NET1: variants seen among roughly 807,000 people sequenced by gnomAD.
NET1 encodes the protein neuroepithelial cell-transforming gene 1 protein.
Under a neutral mutation model 61.1 loss-of-function variants are expected in NET1, and 42 were observed. The ratio of observed to expected loss-of-function variants is 0.69; its 90% CI spans 0.54 to 0.89. The LOEUF is 0.89. Among genes scored for constraint, NET1 ranks in the 40% least tolerant of loss-of-function variants. The pLI, the probability that NET1 is intolerant of heterozygous loss-of-function variation, is 0.00. For synonymous variants in NET1, 254 were observed against 281.8 expected (o/e 0.90, Z 0.99); for missense variants, 654 against 747.3 (o/e 0.88, Z 1.46).
intron 3 of NET1, among the ~76,000 whole-genome samples, chr10:5,434,950 TAC>T (rs919204504): frequency 6.6e-6 from 1 of 152,220 alleles, no homozygotes; most frequent in African/African-American, 2.4e-5. Context: ...GTGAGTTTTC[TAC>T]AGAGTTAACT....
At position 5,421,551 on chromosome 10, in the gene NET1, T is replaced by G. The variant is rs186297538; in HGVS notation, c.129-5104T>G. Reference sequence around the variant, plus strand: ...TCTTGACAACCCAGGATCTTTATTATTAGTAGTAGTAGTTGCCAAAAATAA... The same window carrying G: ...TCTTGACAACCCAGGATCTTTATTAGTAGTAGTAGTAGTTGCCAAAAATAA... On this transcript the variant is annotated intron_variant, in intron 1 of 11. Coordinates refer to ENST00000355029, the MANE Select transcript of NET1 (RefSeq NM_001047160.3). This position sits in a 1 kb window ranked among gnomAD's most constrained non-coding sequence, Gnocchi z 4.2. Among the ~76,000 whole-genome samples, 292 of 152,302 alleles carry G rather than the reference T, an allele frequency of 1.9e-3. No individual in the cohort carries two copies. The highest frequency in any genetic ancestry group is 6.6e-3 in the African/African-American group (274 of 41,566).
In NET1 at chr10:5,439,716, T is replaced by C. The variant is rs1832494787; in HGVS notation, c.255+10487T>C. On this transcript the variant is annotated intron_variant, in intron 3 of 11. Transcript: ENST00000355029. The surrounding 1 kb of genome is among the most constrained non-coding windows in gnomAD (Gnocchi z 4.8). Reference sequence around the variant, plus strand: ...GAGCTTTGCTCTGGAACCCTAAGGCTCTGCATTGCAGTTCTCTTCCTGGCC... The same window carrying C: ...GAGCTTTGCTCTGGAACCCTAAGGCCCTGCATTGCAGTTCTCTTCCTGGCC... Among the ~76,000 whole-genome samples, 1 of 151,994 alleles carries C rather than the reference T, an allele frequency of 6.6e-6. No homozygotes were observed. The highest frequency in any genetic ancestry group is 1.5e-5 in the Non-Finnish European group (1 of 67,898).
In NET1 at chr10:5,453,996, C is replaced by T. The variant is rs1832753749; in HGVS notation, c.769-269C>T. ...GGCAAATGGAGGACACTCAAGTGTC[C>T]TGGGAGCACAGACTGCCAGTGTCTG... On this transcript the variant is annotated intron_variant, in intron 8 of 11. Coordinates refer to ENST00000355029, the MANE Select transcript of NET1 (RefSeq NM_001047160.3). The surrounding 1 kb of genome is among the most constrained non-coding windows in gnomAD (Gnocchi z 4.9). Among the ~76,000 whole-genome samples, 1 of 152,144 alleles carries T rather than the reference C, an allele frequency of 6.6e-6. No individual in the cohort carries two copies. The highest frequency in any genetic ancestry group is 1.5e-5 in the Non-Finnish European group (1 of 68,022).
In NET1 at chr10:5,455,200, G is replaced by A. The variant is rs1229005674; in HGVS notation, c.1197+82G>A. The A allele has an allele frequency of 1.5e-6, 2 of 1,373,722 alleles. No homozygotes were observed. The highest frequency in any genetic ancestry group is 2.0e-6 in the Non-Finnish European group (2 of 978,350). The allele number at this position is 1,373,722 out of a possible 1,614,324, so 85.1% of individuals were successfully genotyped here. On this transcript the variant is annotated intron_variant, in intron 10 of 11. Coordinates refer to ENST00000355029, the MANE Select transcript of NET1 (RefSeq NM_001047160.3). The surrounding 1 kb of genome is among the most constrained non-coding windows in gnomAD (Gnocchi z 6.5). ...TACACGTTTGTTATGAAGCAGGCTT[G>A]TAAAGGGAAAGTCATGACATAGTAA...
rs1032334156 is a variant in NET1, at chr10:5,426,462, GACCAAA to G, written c.129-189_129-184del. ...TTTTCACTCTAAAGATGCTGAGAAT[GACCAAA>G]ACCTATACCCTGTTTGTTTGTTTTT... On this transcript the variant is annotated intron_variant, in intron 1 of 11. Transcript: ENST00000355029. This position sits in a 1 kb window ranked among gnomAD's most constrained non-coding sequence, Gnocchi z 4.6. Among the ~76,000 whole-genome samples, 4 of 152,066 alleles carry G rather than the reference GACCAAA, an allele frequency of 2.6e-5. No individual in the cohort carries two copies. Among genetic ancestry groups the G allele is most frequent in the Non-Finnish European group, 5.9e-5 (4 of 68,002 alleles).
At position 5,451,398 on chromosome 10, in the gene NET1, CAA is replaced by C. The variant is rs1832699559; in HGVS notation, c.256-430_256-429del. On this transcript the variant is annotated intron_variant, in intron 3 of 11. Transcript: ENST00000355029. The surrounding 1 kb of genome is among the most constrained non-coding windows in gnomAD (Gnocchi z 6.1). ...CATTTAAGTAGGGACAAAAATGAAA[CAA>C]ATTGTTATACCAGACACTGTGGAGG... Among the ~76,000 whole-genome samples the C allele has an allele frequency of 6.6e-6, 1 of 151,864 alleles. No individual in the cohort carries two copies. The highest frequency in any genetic ancestry group is 2.1e-4 in the South Asian group (1 of 4,816).
intron 3 of NET1, among the ~76,000 whole-genome samples, chr10:5,445,887 T>C (rs1009080420): frequency 2.6e-5 from 4 of 152,210 alleles, no homozygotes; most frequent in African/African-American, 9.6e-5. Flanking sequence ...CACTTATATA[T>C]AATATATACA....
At position 5,426,804 on chromosome 10, in the gene NET1, T is replaced by C; in HGVS notation, c.195+83T>C. ...TCTTTCAGTCTGTTACACAGATCAG[T>C]GGTCCTTACTTCTGAGGGTCTTGAG... On this transcript the variant is annotated intron_variant, in intron 2 of 11. Transcript: ENST00000355029. This position sits in a 1 kb window ranked among gnomAD's most constrained non-coding sequence, Gnocchi z 4.6. 1 of 899,022 alleles carries C rather than the reference T, an allele frequency of 1.1e-6. No individual in the cohort carries two copies. Among genetic ancestry groups the C allele is most frequent in the Non-Finnish European group, 1.6e-6 (1 of 608,038 alleles). The allele number at this position is 899,022 out of a possible 1,614,324, so 55.7% of individuals were successfully genotyped here.
chr10:5,438,057 G>A lies in NET1; in HGVS notation c.255+8828G>A, dbSNP rs369522619. ...TTAGAAAATACCTTCAAATGGAAAT[G>A]AAAACACAACATGCTAAAACTTATG... On this transcript the variant is annotated intron_variant, in intron 3 of 11. Coordinates refer to ENST00000355029, the MANE Select transcript of NET1 (RefSeq NM_001047160.3). Among the ~76,000 whole-genome samples the A allele has an allele frequency of 1.4e-4, 22 of 152,272 alleles. 1 individual carries two copies. Among genetic ancestry groups the A allele is most frequent in the African/African-American group, 5.1e-4 (21 of 41,574 alleles).
In NET1 at chr10:5,452,637, C is replaced by A. The variant is rs1458486931; in HGVS notation, c.531+112C>A. 3.4e-6 allele frequency: 4 copies of A among 1,174,506 alleles called. No homozygotes were observed. The highest frequency in any genetic ancestry group is 4.8e-6 in the Non-Finnish European group (4 of 833,928). 72.8% of individuals were successfully genotyped at this position (1,174,506 alleles called of 1,614,324 possible). ...GCAACAATTCCTAATACATGGTGAA[C>A]AAAACCTAATGATGGATGGTGGTCA... On this transcript the variant is annotated intron_variant, in intron 5 of 11. Coordinates refer to ENST00000355029, the MANE Select transcript of NET1 (RefSeq NM_001047160.3). The surrounding 1 kb of genome is among the most constrained non-coding windows in gnomAD (Gnocchi z 4.0).
rs971169779 is a variant in NET1 at position 5,447,267 on chromosome 10, A to G, written c.256-4563A>G. 3.3e-5 allele frequency among the ~76,000 whole-genome samples: 5 copies of G among 152,208 alleles called. No individual in the cohort carries two copies. Among genetic ancestry groups the G allele is most frequent in the African/African-American group, 9.6e-5 (4 of 41,462 alleles). ...AGTGAACAAATTGCAACTAAAGTTT[A>G]GTCTGACCTGGTGTGCATTTTTCTT... On this transcript the variant is annotated intron_variant, in intron 3 of 11. Transcript: ENST00000355029. The surrounding 1 kb of genome is among the most constrained non-coding windows in gnomAD (Gnocchi z 4.1).
rs905829320 is a variant in NET1 at position 5,449,630 on chromosome 10, G to T, written c.256-2200G>T. ...ATTCACTTATCTAAATCTAAATTCT[G>T]TAGTTTTAAAATATCACATAATTTT... On this transcript the variant is annotated intron_variant, in intron 3 of 11. Transcript: ENST00000355029. This position sits in a 1 kb window ranked among gnomAD's most constrained non-coding sequence, Gnocchi z 4.4. Among the ~76,000 whole-genome samples the T allele has an allele frequency of 6.6e-6, 1 of 152,162 alleles. No individual in the cohort carries two copies. Among genetic ancestry groups the T allele is most frequent in the Admixed American group, 6.5e-5 (1 of 15,278 alleles).
rs4881453 is a variant in NET1 at position 5,447,826 on chromosome 10, T to C, written c.256-4004T>C. ...TGTCGGTTTTCTCAAAATGTGTAAG[T>C]ATTTCCTTTGAGTAGAGCAGTCATC... On this transcript the variant is annotated intron_variant, in intron 3 of 11. Coordinates refer to ENST00000355029, the MANE Select transcript of NET1 (RefSeq NM_001047160.3). The surrounding 1 kb of genome is among the most constrained non-coding windows in gnomAD (Gnocchi z 4.1). Among the ~76,000 whole-genome samples the C allele has an allele frequency of 0.71, 107,126 of 151,592 alleles. 38,081 individuals carry two copies. Among genetic ancestry groups the C allele is most frequent in the East Asian group, 0.82 (4,226 of 5,136 alleles).
chr10:5,421,386 C>A lies in NET1; in HGVS notation c.129-5269C>A, dbSNP rs548241715. On this transcript the variant is annotated intron_variant, in intron 1 of 11. Coordinates refer to ENST00000355029, the MANE Select transcript of NET1 (RefSeq NM_001047160.3). The surrounding 1 kb of genome is among the most constrained non-coding windows in gnomAD (Gnocchi z 4.2). The stretch of plus-strand genomic sequence containing the variant: ...TTTTGCAGATTTGAAATAATGCTGT[C>A]CATTGGTAGAAAAATAATAGTATGA... 1.3e-5 allele frequency among the ~76,000 whole-genome samples: 2 copies of A among 152,234 alleles called. No individual in the cohort carries two copies. Among genetic ancestry groups the A allele is most frequent in the East Asian group, 3.9e-4 (2 of 5,176 alleles).
In NET1 at chr10:5,452,670, C is replaced by A; in HGVS notation, c.531+145C>A. The A allele has an allele frequency of 2.1e-6, 2 of 944,556 alleles. No individual in the cohort carries two copies. Among genetic ancestry groups the A allele is most frequent in the Non-Finnish European group, 3.1e-6 (2 of 636,494 alleles). The allele number at this position is 944,556 out of a possible 1,614,324, so 58.5% of individuals were successfully genotyped here. A position where few individuals can be genotyped will look rare whatever the true frequency, so the allele number is the denominator to read the frequency against. On this transcript the variant is annotated intron_variant, in intron 5 of 11. Coordinates refer to ENST00000355029, the MANE Select transcript of NET1 (RefSeq NM_001047160.3). This position sits in a 1 kb window ranked among gnomAD's most constrained non-coding sequence, Gnocchi z 4.0. ...AATGATGGATGGTGGTCAAATTAAA[C>A]AACTCTAATAGGGTAAACTTACCAA...
Position 5,420,834 on chromosome 10 carries a change from A to T in NET1, c.129-5821A>T, listed in dbSNP as rs4430409. On this transcript the variant is annotated intron_variant, in intron 1 of 11. Coordinates refer to ENST00000355029, the MANE Select transcript of NET1 (RefSeq NM_001047160.3). This position sits in a 1 kb window ranked among gnomAD's most constrained non-coding sequence, Gnocchi z 5.3. ...TGGTTTTGATCTCCTGACCTCGTGA[A>T]CCGCCCACCTTGACCTCCCAAAGTG... Among the ~76,000 whole-genome samples, 147,607 of 152,182 alleles carry T rather than the reference A, an allele frequency of 0.97. 71,699 individuals are homozygous for T. The highest frequency in any genetic ancestry group is 1 in the Non-Finnish European group (67,983 of 68,030).
At chr10:5,429,419 AG>A (rs1240716858) in intron 3 of NET1, among the ~76,000 whole-genome samples, 190 bp downstream of exon 3, 2 of 152,192 alleles carry the variant, frequency 1.3e-5, no homozygotes, top group African/African-American at 4.8e-5. Flanking sequence ...TTCTTTGTTA[AG>A]AATGAGGGAG....
chr10:5,444,324 G>T lies in NET1; in HGVS notation c.256-7506G>T, dbSNP rs1051608923. 1.3e-5 allele frequency among the ~76,000 whole-genome samples: 2 copies of T among 152,154 alleles called. No homozygotes were observed. The highest frequency in any genetic ancestry group is 4.8e-5 in the African/African-American group (2 of 41,442). On this transcript the variant is annotated intron_variant, in intron 3 of 11. Transcript: ENST00000355029. The surrounding 1 kb of genome is among the most constrained non-coding windows in gnomAD (Gnocchi z 5.3). ...GTATAAAACACACATAGCTACAGAA[G>T]GGCAGTGGTGGTCCTTCCTGCAAGA...
intron 3 of NET1, among the ~76,000 whole-genome samples, chr10:5,436,866 C>G (rs1451680456): frequency 6.6e-6 from 1 of 152,172 alleles, no homozygotes; most frequent in Non-Finnish European, 1.5e-5. Context: ...ATGATTTCTA[C>G]TGGTTGCCTT....
Sources: gnomAD v4.1 joint callset for allele counts (sites outside exome capture counted in the v4.1 genomes callset) on GRCh38, gnomAD v4.1.1 for gene constraint, Gnocchi (gnomAD v3.1) non-coding constraint, MANE v1.5 for transcripts, NCBI Gene and HGNC (gene_info 2026-07-23, HGNC 2026-07-21) for gene names.